Variants in CDH1 observed in about 807,000 individuals in gnomAD.
CDH1 encodes the protein cadherin-1.
In CDH1, 35 loss-of-function variants were observed where a neutral mutation model predicts 84.5. That is an observed-to-expected ratio of 0.41 (90% CI 0.32 to 0.55). The LOEUF (loss-of-function observed/expected upper bound fraction) is 0.55, where lower values mean the gene tolerates loss of function less well. CDH1 is among the 20% of genes least tolerant of loss of function. The pLI is 0.19. For missense variants in CDH1, 994 were observed against 1,126.6 expected, an observed-to-expected ratio of 0.88 and a Z score of 1.68; for synonymous variants, 417 against 439.0, an observed-to-expected ratio of 0.95 and a Z score of 0.63.
chr16:68,796,550 G>C (rs1384420586), intron 2 of CDH1, among the ~76,000 whole-genome samples: 2 of 152,138 alleles, frequency 1.3e-5, no homozygotes, highest in African/African-American at 2.4e-5. Flanking sequence ...GAATGTTGCT[G>C]AATGCTCAGA....
chr16:68,746,338 C>G (rs961630853), intron 2 of CDH1, among the ~76,000 whole-genome samples: 1 of 151,738 alleles, frequency 6.6e-6, no homozygotes, highest in African/African-American at 2.4e-5. Context: ...GGCAGAAGAA[C>G]TGCTTGAACA....
intron 2 of CDH1, among the ~76,000 whole-genome samples, chr16:68,791,673 C>A (rs1432060764): frequency 6.6e-6 from 1 of 152,132 alleles, no homozygotes; most frequent in Non-Finnish European, 1.5e-5. Context: ...CCTCTCACCT[C>A]GGCCTCCCAA....
At chr16:68,799,460 C>G (rs1161793150) in intron 2 of CDH1, among the ~76,000 whole-genome samples, 1 of 152,176 alleles carries the variant, frequency 6.6e-6, no homozygotes, top group African/African-American at 2.4e-5. Context: ...GTAGCAGACT[C>G]CTAGCTATTG....
chr16:68,821,256 T>C (rs1370296806), intron 11 of CDH1, among the ~76,000 whole-genome samples: 1 of 152,106 alleles, frequency 6.6e-6, no homozygotes, highest in Non-Finnish European at 1.5e-5. Flanking sequence ...GAGGATCACT[T>C]GAGCTCAAGA....
intron 10 of CDH1, among the ~76,000 whole-genome samples, chr16:68,818,948 C>T (rs1961061975): frequency 6.6e-6 from 1 of 152,040 alleles, no homozygotes; most frequent in African/African-American, 2.4e-5. Flanking sequence ...CTCCATCTCC[C>T]AGGTTCAAAC....
At chr16:68,778,300 C>A (rs1030316401) in intron 2 of CDH1, among the ~76,000 whole-genome samples, 1 of 152,190 alleles carries the variant, frequency 6.6e-6, no homozygotes, top group African/African-American at 2.4e-5. Context: ...CCTGCCTTGG[C>A]CTCCCAAAAT....
At chr16:68,825,973 C>T (rs1961312505) in intron 13 of CDH1, among the ~76,000 whole-genome samples, 1 of 151,858 alleles carries the variant, frequency 6.6e-6, no homozygotes, top group South Asian at 2.1e-4. Context: ...TGAGCCACCA[C>T]ACCCAGCTAA....
In CDH1 at chr16:68,823,583, T is replaced by C. The variant is rs764657974; in HGVS notation, c.2121T>C (p.Ile707=). ...AGCCTGTCGAAGCAGGATTGCAAAT[T>C]CCTGCCATTCTGGGGATTCTTGGAG... ...KAQPVEAGLQ[I]PAILGILGGI... The change falls in exon 13 of 16, where the codon ATT becomes ATC. Residue 707 remains isoleucine, a synonymous_variant. Transcript: ENST00000261769. 9.9e-6 allele frequency: 16 copies of C among 1,613,608 alleles called. No individual in the cohort carries two copies. The African/African-American group carries it at 1.6e-4, about 16-fold the overall frequency.
intron 2 of CDH1, among the ~76,000 whole-genome samples, chr16:68,756,297 G>C (rs1172758585): frequency 6.6e-6 from 1 of 152,132 alleles, no homozygotes; most frequent in Non-Finnish European, 1.5e-5. Context: ...GGTGGGGAGA[G>C]TTGTGGCTTT....
At chr16:68,777,534 CTTTTTTTTT>C (rs71148949) in intron 2 of CDH1, among the ~76,000 whole-genome samples, 1 of 76,968 alleles carries the variant, frequency 1.3e-5, no homozygotes, top group African/African-American at 4.9e-5. Flanking sequence ...GTAATGTTTC[CTTTTTTTTT>C]TTTTTTTTTT....
chr16:68,801,191 A>G (rs1960489302), intron 2 of CDH1, among the ~76,000 whole-genome samples: 1 of 152,182 alleles, frequency 6.6e-6, no homozygotes, highest in Admixed American at 6.5e-5. Context: ...AGCTCACTGC[A>G]ACCTCCACCT....
At chr16:68,745,533 CAAAAAA>C (rs67825283) in intron 2 of CDH1, among the ~76,000 whole-genome samples, 7 of 40,428 alleles carry the variant, frequency 1.7e-4, no homozygotes, top group African/African-American at 6.2e-4. Context: ...GATCCTGTCT[CAAAAAA>C]AAAAAAAAAA....
intron 2 of CDH1, among the ~76,000 whole-genome samples, chr16:68,739,608 ATTTTTTTT>A (rs549473582): frequency 1.3e-5 from 1 of 79,192 alleles, no homozygotes; most frequent in Non-Finnish European, 2.3e-5. Flanking sequence ...AGGAATAATG[ATTTTTTTT>A]TTTTTTTTTT....
At chr16:68,787,379 G>T (rs931303486) in intron 2 of CDH1, among the ~76,000 whole-genome samples, 3 of 152,172 alleles carry the variant, frequency 2.0e-5, no homozygotes, top group Non-Finnish European at 4.4e-5. Flanking sequence ...CATTAAGGGG[G>T]TTAAAAACCC....
At chr16:68,829,589 T>C (rs1009158157) in intron 14 of CDH1, 65 bp from the exon 15 acceptor site, 3 of 1,487,558 alleles carry the variant, frequency 2.0e-6, no homozygotes, top group Non-Finnish European at 2.8e-6. Flanking sequence ...AAACTGAACA[T>C]AGCCCTGTGT....
intron 2 of CDH1, among the ~76,000 whole-genome samples, chr16:68,756,376 G>A (rs987713633): frequency 5.9e-5 from 9 of 152,058 alleles, no homozygotes; most frequent in African/African-American, 1.7e-4. Flanking sequence ...TTATGAACAG[G>A]TGGGGTGGGG....
At position 68,766,085 on chromosome 16, in the gene CDH1, C is replaced by T. The variant is rs1360813976; in HGVS notation, c.163+27674C>T. Among the ~76,000 whole-genome samples the T allele has an allele frequency of 2.6e-5, 4 of 152,122 alleles. No homozygotes were observed. In the East Asian group the frequency reaches 7.7e-4, roughly 29 times the overall value. On this transcript the variant is annotated intron_variant, in intron 2 of 15. Transcript: ENST00000261769. ...CCAGCCTGGCCAACATGGTGAAACC[C>T]CTTCTCTACTAAAAATACAGAAAAT... is the stretch of plus-strand genomic sequence containing the variant.
chr16:68,761,316 G>A (rs528612808), intron 2 of CDH1, among the ~76,000 whole-genome samples: 20 of 152,262 alleles, frequency 1.3e-4, no homozygotes, highest in Non-Finnish European at 2.9e-4. Context: ...GGGCAGCCCC[G>A]CTGGGCTATC....
intron 12 of CDH1, chr16:68,823,194 C>A (rs1273441813): frequency 1.8e-6 from 1 of 565,392 alleles, no homozygotes; most frequent in Non-Finnish European, 3.1e-6. Context: ...CTCTAGAGCC[C>A]TCTCCCAAGC....
Sources: allele counts gnomAD v4.1 joint callset (sites outside exome capture counted in the v4.1 genomes callset), GRCh38; gene constraint gnomAD v4.1.1; transcripts MANE v1.5; gene names NCBI Gene and HGNC (gene_info 2026-07-23, HGNC 2026-07-21).